The following BTBD10 variants were observed in gnomAD, a reference collection of about 807,000 sequenced individuals.
The protein encoded by BTBD10 is BTB/POZ domain-containing protein 10.
BTBD10 carries 21 observed loss-of-function variants against 53.2 expected under a neutral mutation model. The ratio of observed to expected loss-of-function variants is 0.39; its 90% CI spans 0.28 to 0.57. The LOEUF (loss-of-function observed/expected upper bound fraction) is 0.57. Ranked by LOEUF, BTBD10 falls within the 20% of genes least tolerant of loss-of-function variation. The pLI is 0.53. For synonymous variants in BTBD10, 149 were observed against 192.7 expected, an observed-to-expected ratio of 0.77 and a Z score of 1.88; for missense variants, 360 against 594.7, an observed-to-expected ratio of 0.61 and a Z score of 4.10.
rs760854958 is a variant in BTBD10, at chr11:13,419,682, T to C, written c.362A>G (p.Asn121Ser). The C allele has an allele frequency of 6.2e-7, 1 of 1,613,818 alleles. No individual in the cohort carries two copies. The highest frequency in any genetic ancestry group is 1.1e-5 in the South Asian group (1 of 91,008). ...GTTCCCAGCACTGCTAATGGAACCA[T>C]TTGGGGATGCTTTTTGAGGACGCGG... is the stretch of plus-strand genomic sequence containing the variant. ...SSPRPQKASPNGSISSAGNSS... is the reference protein window; with the variant it reads ...SSPRPQKASPSGSISSAGNSS... Residue 121 changes from asparagine (N) to serine (S), a missense_variant, in exon 4 of 9, where the codon AAT (asparagine) becomes AGT (serine). By Grantham distance (46) the Asn-to-Ser change is conservative. This residue lies in a region of BTBD10 where 109 missense variants were observed against 118.6 expected (regional missense o/e 0.92). Coordinates refer to ENST00000278174, the MANE Select transcript of BTBD10 (RefSeq NM_032320.7).
intron 8 of BTBD10, among the ~76,000 whole-genome samples, chr11:13,393,925 A>G (rs1303513358): frequency 6.6e-6 from 1 of 152,226 alleles, no homozygotes; most frequent in Non-Finnish European, 1.5e-5. Flanking sequence ...TCTCTTAAAA[A>G]CAGAGATAAT....
At chr11:13,415,199 C>T (rs1950072215) in intron 5 of BTBD10, among the ~76,000 whole-genome samples, 1 of 147,744 alleles carries the variant, frequency 6.8e-6, no homozygotes, top group Admixed American at 6.8e-5. Context: ...CTGCAACCTT[C>T]GCCTCCTGGC....
chr11:13,419,774 G>T, intron 3 of BTBD10, 29 bp from the exon 4 acceptor site: 1 of 1,485,734 alleles, frequency 6.7e-7, no homozygotes, highest in Non-Finnish European at 9.1e-7. Context: ...ACGAAGTTAT[G>T]CAAATTTTCT....
chr11:13,406,641 T>TTG (rs1476470612), intron 6 of BTBD10, among the ~76,000 whole-genome samples: 2 of 85,564 alleles, frequency 2.3e-5, no homozygotes, highest in East Asian at 6.0e-4. Flanking sequence ...GTGTGTGTGT[T>TTG]TGTGTGTGTG....
At chr11:13,403,111 T>C (rs1949746782) in intron 8 of BTBD10, 57 bp downstream of exon 8, 4 of 1,084,064 alleles carry the variant, frequency 3.7e-6, no homozygotes, top group Non-Finnish European at 5.4e-6. Flanking sequence ...GATCCAATTG[T>C]TTTTAACCTT....
intron 6 of BTBD10, among the ~76,000 whole-genome samples, chr11:13,411,299 T>C (rs11604595): frequency 0.027 from 4,045 of 152,334 alleles, 73 homozygotes; most frequent in South Asian, 0.052. Context: ...AATTGTATAA[T>C]TTCTTCTTAA....
At chr11:13,463,202 GGAAGCCACTGAGGCGGCTGCGCGTAGC>G (rs1327700461) in exon 1 of BTBD10, 2 of 152,144 alleles carry the variant, frequency 1.3e-5, no homozygotes, top group Non-Finnish European at 1.5e-5. Flanking sequence ...TGGCTGTGGA[GGAAGCCACTGAGGCGGCTGCGCGTAGC>G]GGAGCCGCCC....
intron 8 of BTBD10, among the ~76,000 whole-genome samples, chr11:13,400,155 C>T (rs958401303): frequency 6.6e-6 from 1 of 152,258 alleles, no homozygotes; most frequent in Non-Finnish European, 1.5e-5. Flanking sequence ...GGGGAGCCTA[C>T]AGAGGCAGGC....
At chr11:13,428,157 T>C (rs748994165) in intron 2 of BTBD10, among the ~76,000 whole-genome samples, 8 of 151,976 alleles carry the variant, frequency 5.3e-5, no homozygotes, top group Non-Finnish European at 1.2e-4. Flanking sequence ...GATACTAAAA[T>C]AATAATAAAA....
intron 8 of BTBD10, among the ~76,000 whole-genome samples, chr11:13,398,190 G>T (rs1427854052): frequency 6.6e-6 from 1 of 152,050 alleles, no homozygotes; most frequent in African/African-American, 2.4e-5. Context: ...TCTCTTTGTA[G>T]GTCACTCAGG....
At chr11:13,441,781 T>C (rs528203970) in intron 2 of BTBD10, among the ~76,000 whole-genome samples, 3 of 152,236 alleles carry the variant, frequency 2.0e-5, no homozygotes, top group Admixed American at 6.5e-5. Context: ...CAATAAAGTA[T>C]GCTTATTTCC....
chr11:13,399,430 T>C (rs1178245038), intron 8 of BTBD10, among the ~76,000 whole-genome samples: 1 of 152,206 alleles, frequency 6.6e-6, no homozygotes, highest in African/African-American at 2.4e-5. Context: ...GCATTGGTTA[T>C]TCTAGTTAGC....
At position 13,397,024 on chromosome 11, in the gene BTBD10, A is replaced by C. The variant is rs555230416; in HGVS notation, c.1117+6144T>G. Among the ~76,000 whole-genome samples the C allele has an allele frequency of 5.9e-5, 9 of 152,340 alleles. No individual in the cohort carries two copies. In the South Asian group the frequency reaches 1.2e-3, roughly 21 times the overall value. The stretch of plus-strand genomic sequence containing the variant: ...TCTCTTTTCTGGTTGTGTCTCTGCC[A>C]GGCTTTGGTATCAGGATGATGCTGG... On this transcript the variant is annotated intron_variant, in intron 8 of 8. Coordinates refer to ENST00000278174, the MANE Select transcript of BTBD10 (RefSeq NM_032320.7).
At chr11:13,432,606 A>C (rs1043553463) in intron 2 of BTBD10, among the ~76,000 whole-genome samples, 6 of 151,964 alleles carry the variant, frequency 3.9e-5, no homozygotes, top group Admixed American at 2.0e-4. Context: ...AAGTGGAGAC[A>C]AAAAAACACA....
intron 8 of BTBD10, among the ~76,000 whole-genome samples, chr11:13,389,469 C>T (rs1174592849): frequency 6.6e-6 from 1 of 150,394 alleles, no homozygotes; most frequent in Non-Finnish European, 1.5e-5. Flanking sequence ...CACTTTGTCA[C>T]CCAGGCTGGA....
At chr11:13,440,354 C>A (rs1042041487) in intron 2 of BTBD10, 2 of 1,044,614 alleles carry the variant, frequency 1.9e-6, no homozygotes, top group Admixed American at 5.3e-5. Flanking sequence ...CATAACAAAA[C>A]GCAGGAGTTG....
At chr11:13,399,522 C>G (rs192473853) in intron 8 of BTBD10, among the ~76,000 whole-genome samples, 1 of 152,228 alleles carries the variant, frequency 6.6e-6, no homozygotes, top group Admixed American at 6.5e-5. Context: ...GTAGTTTGAT[C>G]TTCTGAAGCC....
Position 13,398,548 on chromosome 11 carries a change from T to G in BTBD10, c.1117+4620A>C, listed in dbSNP as rs57822073. On this transcript the variant is annotated intron_variant, in intron 8 of 8. Coordinates refer to ENST00000278174, the MANE Select transcript of BTBD10 (RefSeq NM_032320.7). Reference sequence around the variant, plus strand: ...GAGCATTTAGCCCATTTACATTTAATGTTAATATTGTTATGTGTGAATTTG... The same window carrying G: ...GAGCATTTAGCCCATTTACATTTAAGGTTAATATTGTTATGTGTGAATTTG... Among the ~76,000 whole-genome samples the G allele has an allele frequency of 2.0e-5, 3 of 151,810 alleles. 1 individual carries two copies. Among genetic ancestry groups the G allele is most frequent in the Non-Finnish European group, 4.4e-5 (3 of 67,936 alleles).
intron 8 of BTBD10, among the ~76,000 whole-genome samples, chr11:13,399,819 C>T (rs949415005): frequency 1.3e-5 from 2 of 152,196 alleles, no homozygotes; most frequent in African/African-American, 4.8e-5. Context: ...CCACTCCAGA[C>T]CCTGTTTACC....
Sources: gnomAD v4.1 joint callset for allele counts (sites outside exome capture counted in the v4.1 genomes callset) on GRCh38, gnomAD v4.1.1 for gene constraint, gnomAD v4.1.1 regional missense constraint, MANE v1.5 for transcripts, NCBI Gene and HGNC (gene_info 2026-07-23, HGNC 2026-07-21) for gene names.